Variants in ZNF423 observed in about 807,000 individuals in gnomAD.
The protein encoded by ZNF423 is Ebf-associated zinc finger protein.
In ZNF423, 12 loss-of-function variants were observed where a neutral mutation model predicts 95.8. The ratio of observed to expected loss-of-function variants is 0.13; its 90% CI spans 0.08 to 0.20. The LOEUF (loss-of-function observed/expected upper bound fraction) is 0.20. Among genes scored for constraint, ZNF423 ranks in the 10% least tolerant of loss-of-function variants. The pLI, the probability that ZNF423 is intolerant of heterozygous loss-of-function variation, is 1.00. For missense variants in ZNF423, 1,316 were observed against 1,737.1 expected, an observed-to-expected ratio of 0.76 and a Z score of 4.31; for synonymous variants, 749 against 711.9, an observed-to-expected ratio of 1.05 and a Z score of -0.83.
At chr16:49,620,511 G>A (rs890043519) in intron 5 of ZNF423, among the ~76,000 whole-genome samples, 1 of 152,210 alleles carries the variant, frequency 6.6e-6, no homozygotes, top group Non-Finnish European at 1.5e-5. Flanking sequence ...CCTCCGGAAT[G>A]ACTAATGCCC....
At chr16:49,689,783 G>A (rs576148728) in intron 3 of ZNF423, among the ~76,000 whole-genome samples, 3 of 152,280 alleles carry the variant, frequency 2.0e-5, no homozygotes, top group African/African-American at 7.2e-5. Flanking sequence ...CATCCAGGCT[G>A]GAGATGCATC....
chr16:49,856,113 CAAAAAAAAAAAA>C (rs1179159400), upstream of ZNF423: 3 of 2,674 alleles, frequency 1.1e-3, no homozygotes, highest in East Asian at 0.029. Context: ...CCGAGTTATG[CAAAAAAAAAAAA>C]AAAAAAAAAA....
chr16:49,584,264 TG>T (rs576607719), intron 5 of ZNF423, among the ~76,000 whole-genome samples: 59 of 152,314 alleles, frequency 3.9e-4, no homozygotes, highest in African/African-American at 1.3e-3. Flanking sequence ...AGTAGCTAAC[TG>T]GATATACGAA....
chr16:49,542,622 C>G (rs1242498265), intron 5 of ZNF423, among the ~76,000 whole-genome samples: 1 of 152,220 alleles, frequency 6.6e-6, no homozygotes, highest in Non-Finnish European at 1.5e-5. Flanking sequence ...GCCTGGGACC[C>G]CCCATGAGGA....
rs1482424622 is a variant in ZNF423 at position 49,491,255 on chromosome 16, G to C, written c.*20C>G. 5 of 1,613,966 alleles carry C rather than the reference G, an allele frequency of 3.1e-6. No individual in the cohort carries two copies. The Admixed American group carries it at 8.3e-5, about 27-fold the overall frequency. On this transcript the variant is annotated 3_prime_UTR_variant, in exon 8 of 8. Transcript: ENST00000563137. ...TCTCCGGCAAGCCTTCTGCGGAGAGGTGTCCTGTTGAGCGATCCCTCACTG... is the reference window on the plus strand; with the variant it reads ...TCTCCGGCAAGCCTTCTGCGGAGAGCTGTCCTGTTGAGCGATCCCTCACTG...
At chr16:49,502,666 AG>A (rs1394612713) in intron 7 of ZNF423, among the ~76,000 whole-genome samples, 1 of 152,030 alleles carries the variant, frequency 6.6e-6, no homozygotes, top group African/African-American at 2.4e-5. Flanking sequence ...CATGGGGAAT[AG>A]GAGAGGCCAG....
At chr16:49,548,978 T>C (rs533262530) in intron 5 of ZNF423, among the ~76,000 whole-genome samples, 2 of 152,344 alleles carry the variant, frequency 1.3e-5, no homozygotes, top group Non-Finnish European at 2.9e-5. Flanking sequence ...TTTCTCCTTT[T>C]CATTTTAACA....
chr16:49,616,399 T>A (rs1196019268), intron 5 of ZNF423, among the ~76,000 whole-genome samples: 2 of 152,030 alleles, frequency 1.3e-5, no homozygotes, highest in Non-Finnish European at 2.9e-5. Context: ...ATCAGTAAGA[T>A]CTAGTATTTG....
chr16:49,676,330 C>G (rs936304326), intron 3 of ZNF423, among the ~76,000 whole-genome samples: 35 of 152,222 alleles, frequency 2.3e-4, no homozygotes, highest in African/African-American at 7.5e-4. Context: ...TCTGGACATC[C>G]ATAACAACCA....
At chr16:49,756,849 C>T (rs1449674580) in intron 2 of ZNF423, among the ~76,000 whole-genome samples, 1 of 152,202 alleles carries the variant, frequency 6.6e-6, no homozygotes, top group African/African-American at 2.4e-5. Flanking sequence ...CGGGGGGAAG[C>T]CAGCATGCGC....
chr16:49,636,776 G>A lies in ZNF423; in HGVS notation c.2400C>T (p.Thr800=), dbSNP rs151102991. 2.8e-4 allele frequency: 452 copies of A among 1,614,044 alleles called. No individual in the cohort carries two copies. The highest frequency in any genetic ancestry group is 3.7e-4 in the Non-Finnish European group (433 of 1,179,978). The change falls in exon 4 of 8, where the codon ACC becomes ACT. Residue 800 remains threonine (T), a synonymous_variant. Transcript: ENST00000563137. The surrounding 1 kb of genome is among the most constrained non-coding windows in gnomAD (Gnocchi z 8.6). Reference sequence around the variant, plus strand: ...TGATGTGGCACTGCAGCTCCACCTCGGTGCTGAAGGTCTCCCCACAGAAGA... The same window carrying A: ...TGATGTGGCACTGCAGCTCCACCTCAGTGCTGAAGGTCTCCCCACAGAAGA... ...KCIFCGETFS[T]EVELQCHITT...
chr16:49,712,435 G>A (rs948962903), intron 3 of ZNF423, among the ~76,000 whole-genome samples: 7 of 152,220 alleles, frequency 4.6e-5, no homozygotes, highest in Admixed American at 3.3e-4. Flanking sequence ...ATTTGATTTC[G>A]GGAAACAAAC....
At chr16:49,729,232 T>G (rs2033101745) in intron 3 of ZNF423, among the ~76,000 whole-genome samples, 1 of 152,242 alleles carries the variant, frequency 6.6e-6, no homozygotes, top group East Asian at 1.9e-4. Flanking sequence ...AACTTTTCAT[T>G]AGATCAATTA....
intron 1 of ZNF423, among the ~76,000 whole-genome samples, chr16:49,841,218 G>T (rs1485543506): frequency 6.6e-6 from 1 of 152,110 alleles, no homozygotes; most frequent in Non-Finnish European, 1.5e-5. Flanking sequence ...AGAAGCTTGG[G>T]GATCCTAGGT....
intron 1 of ZNF423, among the ~76,000 whole-genome samples, chr16:49,802,487 C>T (rs557620841): frequency 3.3e-4 from 50 of 152,272 alleles, no homozygotes; most frequent in Admixed American, 6.5e-4. Context: ...AGTGTAAATG[C>T]CCCCACTGCA....
intron 3 of ZNF423, among the ~76,000 whole-genome samples, chr16:49,708,639 C>G (rs1035606956): frequency 2.0e-5 from 3 of 152,150 alleles, no homozygotes; most frequent in African/African-American, 7.2e-5. Context: ...GACCCCTCCC[C>G]GACATCCTCC....
chr16:49,592,650 C>CCCACACCAGCCGGGAGTCAG (rs1971045815), intron 5 of ZNF423, among the ~76,000 whole-genome samples: 2 of 152,224 alleles, frequency 1.3e-5, no homozygotes, highest in African/African-American at 4.8e-5. Context: ...ATCCTCGTCA[C>CCCACACCAGCCGGGAGTCAG]CCACACCAGC....
chr16:49,614,542 T>C (rs1971815820), intron 5 of ZNF423, among the ~76,000 whole-genome samples: 1 of 152,190 alleles, frequency 6.6e-6, no homozygotes, highest in African/African-American at 2.4e-5. Context: ...AGAGTAGTGG[T>C]TTCCAAGGAT....
intron 1 of ZNF423, among the ~76,000 whole-genome samples, chr16:49,849,249 T>A (rs1016098010): frequency 1.3e-5 from 2 of 152,068 alleles, no homozygotes; most frequent in African/African-American, 4.8e-5. Flanking sequence ...TCATTCAGGA[T>A]CCCAAATCCA....
Sources: gnomAD v4.1 joint callset for allele counts (sites outside exome capture counted in the v4.1 genomes callset) on GRCh38, gnomAD v4.1.1 for gene constraint, Gnocchi (gnomAD v3.1) non-coding constraint, MANE v1.5 for transcripts, NCBI Gene and HGNC (gene_info 2026-07-23, HGNC 2026-07-21) for gene names.